LPIN2: variants seen among roughly 807,000 people sequenced by gnomAD.
LPIN2 encodes the protein lipin 2.
LPIN2 carries 55 observed loss-of-function variants against 111.4 expected under a neutral mutation model. That is an observed-to-expected ratio of 0.49 (90% CI 0.40 to 0.62). The LOEUF is 0.62. LPIN2 is among the 20% of genes least tolerant of loss of function. The pLI is 0.00. For missense variants in LPIN2, 992 were observed against 1,112.1 expected, an observed-to-expected ratio of 0.89 and a Z score of 1.54; for synonymous variants, 425 against 414.0, an observed-to-expected ratio of 1.03 and a Z score of -0.32.
At chr18:2,949,357 T>C (rs1208021737) in intron 4 of LPIN2, among the ~76,000 whole-genome samples, 4 of 152,188 alleles carry the variant, frequency 2.6e-5, no homozygotes, top group Non-Finnish European at 1.5e-5. Context: ...ATTTTGACAC[T>C]GACAAAAAAA....
At chr18:2,979,419 T>C (rs1362114250) in intron 1 of LPIN2, among the ~76,000 whole-genome samples, 1 of 152,184 alleles carries the variant, frequency 6.6e-6, no homozygotes, top group Non-Finnish European at 1.5e-5. Flanking sequence ...GCTGTGTTAT[T>C]CATAAACCCA....
At chr18:2,974,104 TG>T (rs2077968808) in intron 1 of LPIN2, among the ~76,000 whole-genome samples, 1 of 152,252 alleles carries the variant, frequency 6.6e-6, no homozygotes, top group Non-Finnish European at 1.5e-5. Flanking sequence ...TGTTTTGTTT[TG>T]TTTTTTTGAG....
rs367921036 is a variant in LPIN2, at chr18:2,922,037, G to T, written c.2327+10C>A. 1 of 1,610,480 alleles carries T rather than the reference G, an allele frequency of 6.2e-7. No individual in the cohort carries two copies. Among genetic ancestry groups the T allele is most frequent in the Non-Finnish European group, 8.5e-7 (1 of 1,177,752 alleles). Reference sequence around the variant, plus strand: ...GGCGGTGGGCAGAGGGCTGCCTGCCGGAGAGGTACCTGTGGAAGGCGGAGA... The same window carrying T: ...GGCGGTGGGCAGAGGGCTGCCTGCCTGAGAGGTACCTGTGGAAGGCGGAGA... On this transcript the variant is annotated intron_variant, in intron 17 of 19. Coordinates refer to ENST00000677752, the MANE Select transcript of LPIN2 (RefSeq NM_001375808.2).
intron 1 of LPIN2, among the ~76,000 whole-genome samples, chr18:2,990,323 C>T (rs1567857246): frequency 6.6e-6 from 1 of 151,866 alleles, no homozygotes; most frequent in African/African-American, 2.4e-5. Context: ...ACTAAAAGTA[C>T]TTTTTTTTGT....
chr18:2,920,417 A>C lies in LPIN2; in HGVS notation c.2567T>G (p.Leu856Arg), dbSNP rs768061281. The C allele has an allele frequency of 5.7e-5, 92 of 1,613,692 alleles. No homozygotes were observed. The highest frequency in any genetic ancestry group is 7.6e-5 in the Non-Finnish European group (90 of 1,180,048). Residue 856 changes from leucine (L) to arginine (R), a missense_variant, in exon 20 of 20, where the codon CTC becomes CGC. Physicochemically the swap from Leu to Arg is moderately radical, Grantham distance 102. Transcript: ENST00000677752. ...NKSSYHRLSE[L>R]VEHVFPLLSK... Reference sequence around the variant, plus strand: ...GAGAAGGGGGAACACATGCTCCACGAGCTCACTCAGCCTGTGATACCTAAG... The same window carrying C: ...GAGAAGGGGGAACACATGCTCCACGCGCTCACTCAGCCTGTGATACCTAAG...
chr18:2,971,509 A>G (rs540357609), intron 1 of LPIN2, among the ~76,000 whole-genome samples: 1 of 152,254 alleles, frequency 6.6e-6, no homozygotes, highest in Admixed American at 6.5e-5. Context: ...TAAGGAAGAG[A>G]AAAGTCCCGC....
At chr18:2,928,754 CAT>C in intron 10 of LPIN2, 94 bp from the exon 11 acceptor site, 1 of 921,966 alleles carries the variant, frequency 1.1e-6, no homozygotes. Flanking sequence ...AGGGAAGTGA[CAT>C]ATAAAATTGC....
intron 1 of LPIN2, among the ~76,000 whole-genome samples, chr18:2,986,513 T>C (rs1248803921): frequency 6.7e-6 from 1 of 148,744 alleles, no homozygotes; most frequent in African/African-American, 2.5e-5. Flanking sequence ...TCACACATTT[T>C]GTAGTCTATT....
intron 4 of LPIN2, chr18:2,945,809 T>A: frequency 2.1e-6 from 3 of 1,408,068 alleles, no homozygotes; most frequent in Non-Finnish European, 3.0e-6. Flanking sequence ...TTTTAGCCTA[T>A]ACTGAAATGG....
chr18:2,937,544 TAAAAAAAAAA>T (rs71366618), intron 7 of LPIN2, 138 bp downstream of exon 7: 25 of 344,596 alleles, frequency 7.3e-5, no homozygotes, highest in Non-Finnish European at 1.0e-4. Flanking sequence ...AAACTCCAGC[TAAAAAAAAAA>T]AAAAAAAAAA....
chr18:2,984,432 T>C (rs2078157651), intron 1 of LPIN2, among the ~76,000 whole-genome samples: 1 of 152,142 alleles, frequency 6.6e-6, no homozygotes, highest in African/African-American at 2.4e-5. Flanking sequence ...TCATCCATGA[T>C]CTACTGCAGT....
rs1004374594 is a variant in LPIN2 at position 2,937,595 on chromosome 18, A to G, written c.1168+97T>C. 8.9e-6 allele frequency: 9 copies of G among 1,009,156 alleles called. No individual in the cohort carries two copies. In the African/African-American group the frequency reaches 1.1e-4, roughly 12 times the overall value. The allele number at this position is 1,009,156 out of a possible 1,614,324, so 62.5% of individuals were successfully genotyped here. A position where few individuals can be genotyped will look rare whatever the true frequency, so the allele number is the denominator to read the frequency against. On this transcript the variant is annotated intron_variant, in intron 7 of 19. Coordinates refer to ENST00000677752, the MANE Select transcript of LPIN2 (RefSeq NM_001375808.2). ...AAGTGCGACGGGTTTCGACTGGTGA[A>G]TACAAATACAGAGGCAGCCATCACG...
intron 7 of LPIN2, among the ~76,000 whole-genome samples, chr18:2,935,880 G>C (rs1475293284): frequency 6.6e-6 from 1 of 152,138 alleles, no homozygotes; most frequent in Non-Finnish European, 1.5e-5. Context: ...GAGGCCAAAA[G>C]AATAGTAAAA....
At chr18:2,981,172 C>G (rs951379768) in intron 1 of LPIN2, among the ~76,000 whole-genome samples, 2 of 152,082 alleles carry the variant, frequency 1.3e-5, no homozygotes, top group Non-Finnish European at 2.9e-5. Context: ...AAAAGGGGTG[C>G]CCAGAAAGGA....
chr18:2,917,790 G>C lies in LPIN2; in HGVS notation c.*2503C>G, dbSNP rs2076991673. ...GCAAAGCAAATACGAGACTTAGACTGAACTGCAAAGAGGGAAAGGGCCATT... is the reference window on the plus strand; with the variant it reads ...GCAAAGCAAATACGAGACTTAGACTCAACTGCAAAGAGGGAAAGGGCCATT... On this transcript the variant is annotated 3_prime_UTR_variant, in exon 20 of 20. Transcript: ENST00000677752. 6.6e-6 allele frequency: 1 copy of C among 152,202 alleles called. No homozygotes were observed. Among genetic ancestry groups the C allele is most frequent in the African/African-American group, 2.4e-5 (1 of 41,414 alleles). The allele number at this position is 152,202 out of a possible 1,614,324, so 9.4% of individuals were successfully genotyped here. A position where few individuals can be genotyped will look rare whatever the true frequency, so the allele number is the denominator to read the frequency against.
chr18:2,919,980 T>C lies in LPIN2; in HGVS notation c.*313A>G, dbSNP rs1453861857. The C allele has an allele frequency of 2.5e-5, 11 of 445,432 alleles. No homozygotes were observed. Among genetic ancestry groups the C allele is most frequent in the African/African-American group, 2.0e-4 (10 of 50,140 alleles). The allele number at this position is 445,432 out of a possible 1,614,324, so 27.6% of individuals were successfully genotyped here. ...TGGTCCACTCTTTTTTAGCTGCTTT[T>C]TTCTTCCTTTAAAATGATGCAATGG... On this transcript the variant is annotated 3_prime_UTR_variant, in exon 20 of 20. Transcript: ENST00000677752.
At position 2,931,253 on chromosome 18, in the gene LPIN2, T is replaced by C; in HGVS notation, c.1456+3A>G. 1 of 1,614,086 alleles carries C rather than the reference T, an allele frequency of 6.2e-7. No individual in the cohort carries two copies. Among genetic ancestry groups the C allele is most frequent in the Non-Finnish European group, 8.5e-7 (1 of 1,179,996 alleles). ...GAAGATGGGGCACAAACACCCAACG[T>C]ACCTTTTGAAATTTCTCCATTTTCA... On this transcript the variant is annotated splice_donor_region_variant and intron_variant, in intron 9 of 19. Transcript: ENST00000677752.
intron 8 of LPIN2, among the ~76,000 whole-genome samples, chr18:2,932,904 G>A (rs1308562587): frequency 6.6e-6 from 1 of 152,136 alleles, no homozygotes. Context: ...TCTTCACAGG[G>A]GCAAGAAACA....
chr18:2,973,255 T>C (rs1396875279), intron 1 of LPIN2, among the ~76,000 whole-genome samples: 6 of 152,016 alleles, frequency 3.9e-5, no homozygotes, highest in Non-Finnish European at 7.4e-5. Flanking sequence ...TAGTGTACAG[T>C]TGTTAGCTGT....
Sources: gnomAD v4.1 joint callset for allele counts (sites outside exome capture counted in the v4.1 genomes callset) on GRCh38, gnomAD v4.1.1 for gene constraint, MANE v1.5 for transcripts, NCBI Gene and HGNC (gene_info 2026-07-23, HGNC 2026-07-21) for gene names.